The following EPHA6 variants were observed in gnomAD, a reference collection of about 807,000 sequenced individuals.
EPHA6 encodes the protein ephrin type-A receptor 6.
Under a neutral mutation model 112.0 loss-of-function variants are expected in EPHA6, and 50 were observed. That is an observed-to-expected ratio of 0.45 (90% CI 0.36 to 0.56). EPHA6 has a LOEUF of 0.56. Among genes scored for constraint, EPHA6 ranks in the 20% least tolerant of loss-of-function variants. The pLI is 0.00. For synonymous variants in EPHA6, 529 were observed against 490.7 expected (o/e 1.08, Z -1.03); for missense variants, 1,280 against 1,417.4 (o/e 0.90, Z 1.56).
At chr3:97,084,100 GGATATATA>G (rs1253676330) in intron 3 of EPHA6, among the ~76,000 whole-genome samples, 7 of 74,362 alleles carry the variant, frequency 9.4e-5, no homozygotes, top group African/African-American at 5.5e-4. Flanking sequence ...GTGTGTGCAT[GGATATATA>G]TATATATATA....
At chr3:97,275,977 G>T (rs2080064098) in intron 5 of EPHA6, among the ~76,000 whole-genome samples, 1 of 152,058 alleles carries the variant, frequency 6.6e-6, no homozygotes, top group Non-Finnish European at 1.5e-5. Context: ...GGCAGGCGGG[G>T]ATAACTAAAA....
At chr3:96,973,446 A>G (rs2042392528) in intron 2 of EPHA6, among the ~76,000 whole-genome samples, 1 of 152,196 alleles carries the variant, frequency 6.6e-6, no homozygotes, top group Non-Finnish European at 1.5e-5. Context: ...TAGCTATTAC[A>G]GGTTTAAAAT....
chr3:97,552,111 C>T (rs1287893170), intron 11 of EPHA6, among the ~76,000 whole-genome samples: 1 of 152,184 alleles, frequency 6.6e-6, no homozygotes, highest in Admixed American at 6.5e-5. Flanking sequence ...GTTCCTAGGT[C>T]ATAGAGTTGA....
chr3:97,378,063 C>G (rs1415664412), intron 5 of EPHA6, among the ~76,000 whole-genome samples: 1 of 152,172 alleles, frequency 6.6e-6, no homozygotes, highest in Admixed American at 6.5e-5. Context: ...TTGCAGCAGC[C>G]TCTCCCTTCA....
intron 2 of EPHA6, among the ~76,000 whole-genome samples, chr3:96,924,825 T>C (rs1378985568): frequency 6.6e-6 from 1 of 152,162 alleles, no homozygotes; most frequent in Non-Finnish European, 1.5e-5. Flanking sequence ...ACCTAGTTTA[T>C]TGAGAGATTT....
chr3:96,936,443 T>G (rs2040586055), intron 2 of EPHA6, among the ~76,000 whole-genome samples: 1 of 152,000 alleles, frequency 6.6e-6, no homozygotes, highest in African/African-American at 2.4e-5. Context: ...GAGTATGAAG[T>G]TAAATTATAA....
At chr3:97,394,126 C>T (rs2086570430) in intron 5 of EPHA6, among the ~76,000 whole-genome samples, 1 of 151,498 alleles carries the variant, frequency 6.6e-6, no homozygotes. Context: ...TATTTGCAGC[C>T]AACTGCTTTT....
chr3:97,429,852 A>G (rs551938024), intron 6 of EPHA6, among the ~76,000 whole-genome samples: 10 of 152,182 alleles, frequency 6.6e-5, no homozygotes, highest in Non-Finnish European at 1.2e-4. Context: ...GTTGCTGTCA[A>G]TATATTTTTA....
chr3:97,626,280 G>A (rs1005565564), intron 13 of EPHA6, among the ~76,000 whole-genome samples: 7 of 151,792 alleles, frequency 4.6e-5, no homozygotes, highest in African/African-American at 9.7e-5. Flanking sequence ...AAACTTGCCA[G>A]CCCTCATCTT....
At chr3:96,994,141 T>C in intron 3 of EPHA6, 1 of 275,824 alleles carries the variant, frequency 3.6e-6, no homozygotes, top group South Asian at 6.3e-5. Flanking sequence ...TTACTCTTGC[T>C]GTATGAACCA....
intron 10 of EPHA6, among the ~76,000 whole-genome samples, chr3:97,521,154 T>C (rs1282682671): frequency 6.6e-6 from 1 of 152,016 alleles, no homozygotes; most frequent in African/African-American, 2.4e-5. Context: ...TGTATCTCAT[T>C]GAGCTTCTTT....
At chr3:97,386,467 A>G (rs116522961) in intron 5 of EPHA6, among the ~76,000 whole-genome samples, 2,300 of 152,288 alleles carry the variant, frequency 0.015, 56 homozygotes, top group African/African-American at 0.05. Flanking sequence ...TAAACCTCAA[A>G]GTTCTAAAAT....
intron 3 of EPHA6, among the ~76,000 whole-genome samples, chr3:97,189,021 G>A (rs2077230573): frequency 1.3e-5 from 2 of 151,736 alleles, no homozygotes; most frequent in Non-Finnish European, 2.9e-5. Flanking sequence ...GATAAAAATT[G>A]AAAGAGTTGA....
chr3:97,041,962 C>T (rs2045332003), intron 3 of EPHA6, among the ~76,000 whole-genome samples: 2 of 152,072 alleles, frequency 1.3e-5, no homozygotes, highest in Non-Finnish European at 2.9e-5. Flanking sequence ...GGACACAAAT[C>T]CAAACCATGT....
chr3:97,594,646 A>AT (rs965708949), intron 12 of EPHA6, among the ~76,000 whole-genome samples: 9 of 152,012 alleles, frequency 5.9e-5, no homozygotes, highest in Admixed American at 1.3e-4. Context: ...ATTTCCCAAG[A>AT]TTTTTTTTAT....
rs531842334 is a variant in EPHA6, at chr3:96,827,728, C to T, written c.385+12720C>T. The stretch of plus-strand genomic sequence containing the variant: ...ATGGGAGAATTGGAATCAAATGTCC[C>T]GAAATAGGAAAATATTTTTACAGAG... On this transcript the variant is annotated intron_variant, in intron 1 of 17. Transcript: ENST00000389672. Among the ~76,000 whole-genome samples the T allele has an allele frequency of 1.9e-4, 29 of 151,898 alleles. No homozygotes were observed. In the South Asian group the frequency reaches 4.6e-3, roughly 24 times the overall value.
At chr3:97,594,696 T>A (rs567791486) in intron 12 of EPHA6, among the ~76,000 whole-genome samples, 1 of 152,290 alleles carries the variant, frequency 6.6e-6, no homozygotes, top group South Asian at 2.1e-4. Flanking sequence ...TCATGAGAAG[T>A]TTTTATTATT....
At chr3:97,596,875 A>AATATATATATATATATATAT (rs62670860) in intron 12 of EPHA6, among the ~76,000 whole-genome samples, 128 of 100,328 alleles carry the variant, frequency 1.3e-3, no homozygotes, top group Non-Finnish European at 1.9e-3. Context: ...ATATCTATGG[A>AATATATATATATATATATAT]ATATATATAT....
At chr3:97,083,926 G>C (rs1405406080) in intron 3 of EPHA6, among the ~76,000 whole-genome samples, 6 of 151,252 alleles carry the variant, frequency 4.0e-5, no homozygotes, top group African/African-American at 1.5e-4. Context: ...GTAAATTTGA[G>C]CTAGAAAGAT....
Sources: gnomAD v4.1 joint callset for allele counts (sites outside exome capture counted in the v4.1 genomes callset) on GRCh38, gnomAD v4.1.1 for gene constraint, MANE v1.5 for transcripts, NCBI Gene and HGNC (gene_info 2026-07-23, HGNC 2026-07-21) for gene names.